The following CAMTA1 variants were observed in gnomAD, a reference collection of about 807,000 sequenced individuals.
CAMTA1 encodes calmodulin binding transcription activator 1.
A neutral mutation model predicts 170.9 loss-of-function variants in CAMTA1; 27 were observed. That is an observed-to-expected ratio of 0.16 (90% CI 0.12 to 0.22). The LOEUF (loss-of-function observed/expected upper bound fraction) is 0.22. CAMTA1 is among the 10% of genes least tolerant of loss of function. The probability of loss-of-function intolerance (pLI) is 1.00; values close to 1 mark genes in which losing one functional copy is unlikely to be tolerated. For missense variants in CAMTA1, 1,619 were observed against 2,217.2 expected, an observed-to-expected ratio of 0.73 and a Z score of 5.42; for synonymous variants, 833 against 891.5, an observed-to-expected ratio of 0.93 and a Z score of 1.17.
intron 4 of CAMTA1, among the ~76,000 whole-genome samples, chr1:7,152,684 G>A (rs1646645739): frequency 1.3e-5 from 2 of 152,192 alleles, no homozygotes; most frequent in Non-Finnish European, 2.9e-5. Context: ...CCACCTCCCA[G>A]GAGGCGCCTC....
intron 3 of CAMTA1, among the ~76,000 whole-genome samples, chr1:6,977,450 C>T (rs1189148935): frequency 6.6e-6 from 1 of 152,114 alleles, no homozygotes; most frequent in Non-Finnish European, 1.5e-5. Context: ...AAGAAATTCT[C>T]CAGCCTCAGC....
chr1:7,639,460 C>A (rs1226850383), intron 6 of CAMTA1, among the ~76,000 whole-genome samples: 1 of 152,114 alleles, frequency 6.6e-6, no homozygotes, highest in Non-Finnish European at 1.5e-5. Context: ...GCACCAACTG[C>A]CCCCTGGGTA....
chr1:7,276,191 T>TA (rs34532883), intron 5 of CAMTA1, among the ~76,000 whole-genome samples: 22,635 of 125,726 alleles, frequency 0.18, 2,141 homozygotes, highest in East Asian at 0.39. Flanking sequence ...CATTCATGAT[T>TA]AAAAAAAAAA....
At chr1:7,163,840 T>G (rs562589942) in intron 4 of CAMTA1, among the ~76,000 whole-genome samples, 2 of 152,322 alleles carry the variant, frequency 1.3e-5, no homozygotes, top group East Asian at 3.9e-4. Flanking sequence ...GAATTCCCAC[T>G]ATATGCTCTT....
rs946259084 is a variant in CAMTA1, at chr1:7,532,199, G to A, written c.510+64298G>A. On this transcript the variant is annotated intron_variant, in intron 6 of 22. Transcript: ENST00000303635. This position sits in a 1 kb window ranked among gnomAD's most constrained non-coding sequence, Gnocchi z 4.2. Reference sequence around the variant, plus strand: ...CCATTGAGCCAGTCCTTCCTGTGTGGCCTTCGGATTCTTGGTGGAGGGGAC... The same window carrying A: ...CCATTGAGCCAGTCCTTCCTGTGTGACCTTCGGATTCTTGGTGGAGGGGAC... 6.6e-6 allele frequency among the ~76,000 whole-genome samples: 1 copy of A among 152,234 alleles called. No individual in the cohort carries two copies. Among genetic ancestry groups the A allele is most frequent in the Non-Finnish European group, 1.5e-5 (1 of 68,038 alleles).
chr1:7,440,194 T>C (rs2092478034), intron 5 of CAMTA1, among the ~76,000 whole-genome samples: 1 of 152,240 alleles, frequency 6.6e-6, no homozygotes, highest in African/African-American at 2.4e-5. Context: ...CACTACCTGG[T>C]GGGGAGAGGT....
intron 7 of CAMTA1, among the ~76,000 whole-genome samples, chr1:7,655,080 A>C (rs200306784): frequency 8.7e-6 from 1 of 115,086 alleles, no homozygotes; most frequent in South Asian, 3.2e-4. Flanking sequence ...CTATACACAC[A>C]CACCCACCTA....
At chr1:7,700,916 G>T (rs2096432528) in intron 11 of CAMTA1, 1 of 152,186 alleles carries the variant, frequency 6.6e-6, no homozygotes, top group Non-Finnish European at 1.5e-5. Context: ...ACTTTCTGTT[G>T]TGCATCTCGA....
intron 5 of CAMTA1, among the ~76,000 whole-genome samples, chr1:7,381,955 T>G (rs1359554717): frequency 1.3e-5 from 2 of 152,252 alleles, no homozygotes; most frequent in African/African-American, 2.4e-5. Context: ...GGTTGAGAAC[T>G]GGCTGGGCAA....
chr1:6,888,804 G>A (rs1261809020), intron 3 of CAMTA1, among the ~76,000 whole-genome samples: 1 of 152,010 alleles, frequency 6.6e-6, no homozygotes. Context: ...AACCTTTGAG[G>A]AAGTTTTTCT....
At chr1:7,702,664 T>C (rs751731989) in intron 11 of CAMTA1, among the ~76,000 whole-genome samples, 1 of 152,204 alleles carries the variant, frequency 6.6e-6, no homozygotes, top group Non-Finnish European at 1.5e-5. Flanking sequence ...CTGCTCTTAG[T>C]GAAAAACAAC....
intron 9 of CAMTA1, among the ~76,000 whole-genome samples, chr1:7,667,891 TG>T (rs1303668951): frequency 1.3e-5 from 2 of 152,218 alleles, no homozygotes; most frequent in African/African-American, 4.8e-5. Flanking sequence ...CTAGGCCCTT[TG>T]GGGCCCCACC....
At position 7,216,326 on chromosome 1, in the gene CAMTA1, C is replaced by T. The variant is rs765560577; in HGVS notation, c.303-33165C>T. Among the ~76,000 whole-genome samples, 13 of 152,168 alleles carry T rather than the reference C, an allele frequency of 8.5e-5. No homozygotes were observed. The highest frequency in any genetic ancestry group is 1.8e-4 in the Non-Finnish European group (12 of 68,014). On this transcript the variant is annotated intron_variant, in intron 4 of 22. Coordinates refer to ENST00000303635, the MANE Select transcript of CAMTA1 (RefSeq NM_015215.4). The surrounding 1 kb of genome is among the most constrained non-coding windows in gnomAD (Gnocchi z 4.0). The stretch of plus-strand genomic sequence containing the variant: ...GACATGAGATTTGGGTGGGGACACA[C>T]ATGCAAACCACATCAGTGACAAATT...
intron 3 of CAMTA1, among the ~76,000 whole-genome samples, chr1:7,056,751 T>G (rs900923589): frequency 2.0e-5 from 3 of 152,076 alleles, no homozygotes; most frequent in Non-Finnish European, 2.9e-5. Flanking sequence ...CCAGGAGCCT[T>G]GGGAGATGGG....
Position 7,673,914 on chromosome 1 carries a change from G to A in CAMTA1, c.2779+2877G>A, listed in dbSNP as rs556995624. 6.6e-5 allele frequency among the ~76,000 whole-genome samples: 10 copies of A among 152,334 alleles called. No homozygotes were observed. The East Asian group carries it at 1.5e-3, about 24-fold the overall frequency. On this transcript the variant is annotated intron_variant, in intron 10 of 22. Transcript: ENST00000303635. The surrounding 1 kb of genome is among the most constrained non-coding windows in gnomAD (Gnocchi z 4.6). Reference sequence around the variant, plus strand: ...CCAGCTTCTCACCGGGCCCCTGATCGTAAGGGGCTCTCGGTCCAGGGAGGA... The same window carrying A: ...CCAGCTTCTCACCGGGCCCCTGATCATAAGGGGCTCTCGGTCCAGGGAGGA...
chr1:7,109,076 C>T lies in CAMTA1; in HGVS notation c.302+17705C>T, dbSNP rs549491816. Among the ~76,000 whole-genome samples, 22 of 152,374 alleles carry T rather than the reference C, an allele frequency of 1.4e-4. No individual in the cohort carries two copies. In the East Asian group the frequency reaches 4.2e-3, roughly 29 times the overall value. The stretch of plus-strand genomic sequence containing the variant: ...CACATGGGCCTCTCCAACAGGGCAG[C>T]TTGCTTTATCAGAGTGAGTTAGCAA... On this transcript the variant is annotated intron_variant, in intron 4 of 22. Transcript: ENST00000303635.
At chr1:7,230,628 C>G (rs1662603545) in intron 4 of CAMTA1, among the ~76,000 whole-genome samples, 1 of 152,110 alleles carries the variant, frequency 6.6e-6, no homozygotes, top group African/African-American at 2.4e-5. Flanking sequence ...ATTGTTTAGC[C>G]AAGGAGGTGG....
intron 4 of CAMTA1, among the ~76,000 whole-genome samples, chr1:7,223,332 G>C (rs1322592145): frequency 6.6e-6 from 1 of 152,138 alleles, no homozygotes; most frequent in Non-Finnish European, 1.5e-5. Context: ...ATGTGCGTGT[G>C]AGTATGTGTA....
chr1:7,598,261 G>C (rs367824604), intron 6 of CAMTA1, among the ~76,000 whole-genome samples: 2 of 152,098 alleles, frequency 1.3e-5, no homozygotes, highest in African/African-American at 4.8e-5. Context: ...CAAAGGACAC[G>C]AACTCATCAT....
Sources: allele counts gnomAD v4.1 joint callset (sites outside exome capture counted in the v4.1 genomes callset), GRCh38; gene constraint gnomAD v4.1.1; non-coding constraint Gnocchi (gnomAD v3.1); transcripts MANE v1.5; gene names NCBI Gene and HGNC (gene_info 2026-07-23, HGNC 2026-07-21).